The following CEP135 variants were observed in gnomAD, a reference collection of about 807,000 sequenced individuals.
The protein encoded by CEP135 is centrosomal protein 135.
A neutral mutation model predicts 157.3 loss-of-function variants in CEP135; 142 were observed. The observed-to-expected ratio is 0.90, with a 90% confidence interval of 0.79 to 1.04. The LOEUF (loss-of-function observed/expected upper bound fraction) is 1.04. Ranked by LOEUF, CEP135 falls within the 50% of genes least tolerant of loss-of-function variation. CEP135 has a pLI of 0.00. For missense variants in CEP135, 1,317 were observed against 1,309.2 expected (o/e 1.01, Z -0.09); for synonymous variants, 396 against 439.8 (o/e 0.90, Z 1.25).
chr4:55,989,031 C>T (rs1189916111), intron 14 of CEP135, among the ~76,000 whole-genome samples: 1 of 151,036 alleles, frequency 6.6e-6, no homozygotes, highest in East Asian at 1.9e-4. Context: ...CAGTAGAGAG[C>T]AAACCCACAA....
intron 5 of CEP135, among the ~76,000 whole-genome samples, chr4:55,957,755 T>A (rs951820270): frequency 6.6e-6 from 1 of 152,242 alleles, no homozygotes; most frequent in Non-Finnish European, 1.5e-5. Flanking sequence ...AAATTCCTTT[T>A]TTAATGGTTT....
chr4:55,972,501 T>C (rs1473536324), intron 10 of CEP135, among the ~76,000 whole-genome samples: 2 of 152,176 alleles, frequency 1.3e-5, no homozygotes, highest in Non-Finnish European at 2.9e-5. Context: ...TCAAACTCTG[T>C]GTGTCTTAGG....
chr4:56,016,523 T>C (rs1730779110), intron 21 of CEP135, among the ~76,000 whole-genome samples: 1 of 152,224 alleles, frequency 6.6e-6, no homozygotes, highest in African/African-American at 2.4e-5. Flanking sequence ...TGGCTGTTAC[T>C]AAAGTATAAG....
Position 55,952,682 on chromosome 4 carries a change from C to T in CEP135, c.114-403C>T, listed in dbSNP as rs73155551. The T allele has an allele frequency of 6.8e-3, 1,227 of 180,302 alleles. 14 individuals carry two copies. The highest frequency in any genetic ancestry group is 0.024 in the African/African-American group (1,030 of 42,456). 11.2% of individuals were successfully genotyped at this position (180,302 alleles called of 1,614,324 possible). On this transcript the variant is annotated intron_variant, in intron 2 of 25. Transcript: ENST00000257287. ...GTACCAACATCATAGGGTGTGCTTA[C>T]ACAAACCTAGATGGTGTCGCCTACC...
At position 55,981,243 on chromosome 4, in the gene CEP135, C is replaced by G. The variant is rs1205396047; in HGVS notation, c.1643C>G (p.Ser548Cys). ...VLYNEAQEELSALRKESTQTT... is the reference protein window; with the variant it reads ...VLYNEAQEELCALRKESTQTT... ...TTCTTTAAGGCTCAGGAAGAATTATCTGCCCTAAGAAAGGAATCCACCCAA... is the reference window on the plus strand; with the variant it reads ...TTCTTTAAGGCTCAGGAAGAATTATGTGCCCTAAGAAAGGAATCCACCCAA... Residue 548 changes from serine to cysteine, a missense_variant, in exon 13 of 26, where the codon TCT becomes TGT. Transcript: ENST00000257287. 6.3e-7 allele frequency: 1 copy of G among 1,583,290 alleles called. No homozygotes were observed. The highest frequency in any genetic ancestry group is 1.4e-5 in the African/African-American group (1 of 72,588).
Position 56,019,460 on chromosome 4 carries a change from CAG to C in CEP135, c.3124_3125del (p.Asp1042Ter). ...ACCTCGAATCATTGTTGGCTACAAACAGAGATAAAGAATTTCATTCTCACTTA... is the reference window on the plus strand; with the variant it reads ...ACCTCGAATCATTGTTGGCTACAAACAGATAAAGAATTTCATTCTCACTTA... Reference protein sequence around the residue: ...KNLESLLATNRDKEFHSHLTS... With the variant: ...KNLESLLATNXDKEFHSHLTS... On this transcript the variant is annotated frameshift_variant, in exon 23 of 26. Transcript: ENST00000257287. LOFTEE classifies it high-confidence loss of function. 6.2e-7 allele frequency: 1 copy of C among 1,613,826 alleles called. No homozygotes were observed. The highest frequency in any genetic ancestry group is 8.5e-7 in the Non-Finnish European group (1 of 1,179,828).
At chr4:55,998,121 T>A (rs995827645) in intron 15 of CEP135, among the ~76,000 whole-genome samples, 2 of 152,302 alleles carry the variant, frequency 1.3e-5, no homozygotes, top group African/African-American at 4.8e-5. Context: ...ATTCGTGGTT[T>A]TGGAATTCAA....
At chr4:55,991,101 A>G (rs1470129697) in intron 14 of CEP135, among the ~76,000 whole-genome samples, 1 of 151,914 alleles carries the variant, frequency 6.6e-6, no homozygotes, top group African/African-American at 2.4e-5. Flanking sequence ...TCGGCCTCCC[A>G]AGTAGCTAGG....
intron 5 of CEP135, among the ~76,000 whole-genome samples, chr4:55,958,146 C>T (rs1728561434): frequency 1.3e-5 from 2 of 152,112 alleles, no homozygotes; most frequent in South Asian, 4.1e-4. Flanking sequence ...TAAAAAAGAG[C>T]ACTGGGACCA....
In CEP135 at chr4:55,999,299, T is replaced by C. The variant is rs761480188; in HGVS notation, c.2010-3T>C. Reference sequence around the variant, plus strand: ...CATTTGTTTTTGTCCATTGATTCTTTAGGATAGTGAATGAGCAGCTACAGC... The same window carrying C: ...CATTTGTTTTTGTCCATTGATTCTTCAGGATAGTGAATGAGCAGCTACAGC... On this transcript the variant is annotated splice_polypyrimidine_tract_variant and splice_region_variant and intron_variant, in intron 15 of 25. Coordinates refer to ENST00000257287, the MANE Select transcript of CEP135 (RefSeq NM_025009.5). The C allele has an allele frequency of 1.9e-6, 3 of 1,608,916 alleles. 1 individual carries two copies. Among genetic ancestry groups the C allele is most frequent in the Non-Finnish European group, 8.5e-7 (1 of 1,176,504 alleles).
intron 21 of CEP135, among the ~76,000 whole-genome samples, chr4:56,012,242 G>A (rs939364031): frequency 6.6e-6 from 1 of 152,058 alleles, no homozygotes; most frequent in African/African-American, 2.4e-5. Context: ...TTTTAGTAGA[G>A]ATGGGGTTTC....
intron 24 of CEP135, among the ~76,000 whole-genome samples, chr4:56,021,731 C>T (rs751160238): frequency 5.9e-5 from 9 of 152,110 alleles, no homozygotes; most frequent in Non-Finnish European, 1.3e-4. Flanking sequence ...TCAATATTTA[C>T]GATTTCATAA....
intron 8 of CEP135, chr4:55,966,437 C>T (rs1560401494): frequency 6.5e-6 from 1 of 152,904 alleles, no homozygotes; most frequent in East Asian, 1.9e-4. Context: ...GGTGATCCAT[C>T]CACCTCAGCC....
chr4:56,023,286 AG>A (rs1731029096), intron 24 of CEP135, among the ~76,000 whole-genome samples: 2 of 152,072 alleles, frequency 1.3e-5, no homozygotes, highest in Non-Finnish European at 2.9e-5. Flanking sequence ...GCAGGAGAAA[AG>A]GATCCAGTAA....
rs564116620 is a variant in CEP135, at chr4:55,961,764, TAAAAAAA to T, written c.699+2023_699+2029del. The stretch of plus-strand genomic sequence containing the variant: ...GGGCAACAAGAGCGAAAACTCTGTC[TAAAAAAA>T]AAAAAAAAAAAAAAAAAAAAAAAAT... On this transcript the variant is annotated intron_variant, in intron 6 of 25. Transcript: ENST00000257287. Among the ~76,000 whole-genome samples, 6 of 54,214 alleles carry T rather than the reference TAAAAAAA, an allele frequency of 1.1e-4. No homozygotes were observed. The South Asian group carries it at 3.4e-3, about 31-fold the overall frequency. The allele number at this position is 54,214 out of a possible 152,430, so 35.6% of individuals were successfully genotyped here.
chr4:55,956,613 C>G (rs1577863992), intron 4 of CEP135, among the ~76,000 whole-genome samples: 1 of 151,764 alleles, frequency 6.6e-6, no homozygotes, highest in Non-Finnish European at 1.5e-5. Context: ...CAGGCACATT[C>G]AGCTTTTTTT....
chr4:56,007,742 C>T (rs549733289), intron 17 of CEP135, among the ~76,000 whole-genome samples: 19 of 152,182 alleles, frequency 1.2e-4, no homozygotes, highest in African/African-American at 4.6e-4. Context: ...TGGTGCCAGC[C>T]AGATTGAGAG....
At chr4:55,971,471 C>T in intron 10 of CEP135, 63 bp downstream of exon 10, 5 of 1,438,102 alleles carry the variant, frequency 3.5e-6, no homozygotes, top group Non-Finnish European at 4.7e-6. Context: ...TATTGTTTTT[C>T]TTAGTAGATA....
At chr4:56,012,134 T>TAA (rs1560422004) in intron 21 of CEP135, 149 bp downstream of exon 21, 1 of 476,854 alleles carries the variant, frequency 2.1e-6, no homozygotes. Flanking sequence ...CTTTGCTTAC[T>TAA]GCACCCACCT....
Sources: gnomAD v4.1 joint callset for allele counts (sites outside exome capture counted in the v4.1 genomes callset) on GRCh38, gnomAD v4.1.1 for gene constraint, MANE v1.5 for transcripts, NCBI Gene and HGNC (gene_info 2026-07-23, HGNC 2026-07-21) for gene names.